C2CD5: variants seen among roughly 807,000 people sequenced by gnomAD.
C2CD5 encodes C2 domain-containing protein 5.
In C2CD5, 109 loss-of-function variants were observed where a neutral mutation model predicts 130.3. The observed-to-expected ratio is 0.84, with a 90% CI of 0.72 to 0.98. The LOEUF (loss-of-function observed/expected upper bound fraction) is 0.98, where lower values mean the gene tolerates loss of function less well. Among genes scored for constraint, C2CD5 ranks in the 50% least tolerant of loss-of-function variants. The pLI is 0.00. For synonymous variants in C2CD5, 454 were observed against 429.2 expected (o/e 1.06, Z -0.71); for missense variants, 996 against 1,261.8 (o/e 0.79, Z 3.19).
intron 9 of C2CD5, among the ~76,000 whole-genome samples, chr12:22,509,032 G>A (rs1157857882): frequency 6.6e-6 from 1 of 151,412 alleles, no homozygotes; most frequent in African/African-American, 2.4e-5. Flanking sequence ...GCCCGCCACC[G>A]CGCCCGGCTA....
chr12:22,528,201 AGC>A (rs1950898023), intron 3 of C2CD5, among the ~76,000 whole-genome samples: 1 of 152,188 alleles, frequency 6.6e-6, no homozygotes. Context: ...TATGATACAT[AGC>A]AAAAATGCCT....
chr12:22,501,317 C>T (rs377104247), intron 10 of C2CD5, among the ~76,000 whole-genome samples: 122 of 152,230 alleles, frequency 8.0e-4, no homozygotes, highest in African/African-American at 2.8e-3. Context: ...ATTCTGCTTA[C>T]GTGGGACAAC....
At chr12:22,535,231 CA>C in intron 3 of C2CD5, 26 bp downstream of exon 3, 1 of 1,320,748 alleles carries the variant, frequency 7.6e-7, no homozygotes, top group Non-Finnish European at 1.1e-6. Flanking sequence ...AAAATACACT[CA>C]AAAATGCTGA....
At chr12:22,541,761 C>G (rs775538610) in intron 2 of C2CD5, among the ~76,000 whole-genome samples, 5 of 152,146 alleles carry the variant, frequency 3.3e-5, no homozygotes, top group Non-Finnish European at 4.4e-5. Context: ...TTCTATTGTT[C>G]CCTTTCATGG....
chr12:22,471,371 G>A (rs1210032473), intron 20 of C2CD5, 28 bp downstream of exon 20: 1 of 1,148,444 alleles, frequency 8.7e-7, no homozygotes, highest in African/African-American at 1.5e-5. Context: ...ATCAGATAAA[G>A]ACTAATAATG....
chr12:22,459,011 G>T, intron 23 of C2CD5: 1 of 156,786 alleles, frequency 6.4e-6, no homozygotes, highest in Non-Finnish European at 1.4e-5. Flanking sequence ...TAAAAAAAGA[G>T]AATCAAATGT....
rs150570858 is a variant in C2CD5, at chr12:22,513,364, C to T, written c.968G>A (p.Ser323Asn). 5 of 1,609,502 alleles carry T rather than the reference C, an allele frequency of 3.1e-6. No individual in the cohort carries two copies. Among genetic ancestry groups the T allele is most frequent in the Non-Finnish European group, 4.3e-6 (5 of 1,175,972 alleles). Residue 323 changes from serine to asparagine, a missense_variant, in exon 9 of 27, where the codon AGT becomes AAT. Physicochemically the swap from Ser to Asn is conservative, Grantham distance 46. Transcript: ENST00000446597. ...AAAGGGCCCCCCTTCTTTTCCAGCA[C>T]TACCACTTCCCATTCCTACAGAACA... ...LTPKTGMGSG[S>N]AGKEGGPFKA...
At chr12:22,463,699 C>T (rs1591953715) in intron 22 of C2CD5, 1 of 152,260 alleles carries the variant, frequency 6.6e-6, no homozygotes, top group South Asian at 2.1e-4. Flanking sequence ...CTGATCAGTA[C>T]CTCTTTTGAC....
At chr12:22,518,241 G>C (rs1045408361) in intron 7 of C2CD5, 104 bp from the exon 8 acceptor site, 11 of 1,085,318 alleles carry the variant, frequency 1.0e-5, no homozygotes, top group African/African-American at 1.6e-5. Context: ...AGGGCCAGCA[G>C]TCATTTCTTA....
rs1332449670 is a variant in C2CD5, at chr12:22,519,348, AT to A, written c.801-1212del. ...GAGCTTTAGTCAGGGAAGAGAACTTATTTTTTTAATCCCTAGCATGCAAAAA... is the reference window on the plus strand; with the variant it reads ...GAGCTTTAGTCAGGGAAGAGAACTTATTTTTTAATCCCTAGCATGCAAAAA... On this transcript the variant is annotated intron_variant, in intron 7 of 26. Transcript: ENST00000446597. 2.0e-5 allele frequency: 17 copies of A among 849,708 alleles called. No individual in the cohort carries two copies. In the Middle Eastern group the frequency reaches 7.9e-4, roughly 40 times the overall value. The allele number at this position is 849,708 out of a possible 1,614,324, so 52.6% of individuals were successfully genotyped here.
intron 10 of C2CD5, among the ~76,000 whole-genome samples, chr12:22,506,246 TCCTCCTTGCCCCGG>T (rs1948521097): frequency 6.6e-6 from 1 of 152,142 alleles, no homozygotes; most frequent in Non-Finnish European, 1.5e-5. Flanking sequence ...GCTCAAGCGA[TCCTCCTTGCCCCGG>T]CCTCCTGAGT....
chr12:22,536,555 T>A (rs763195431), intron 2 of C2CD5, among the ~76,000 whole-genome samples: 1 of 152,136 alleles, frequency 6.6e-6, no homozygotes, highest in Admixed American at 6.5e-5. Context: ...GTCGACTATA[T>A]GTACTGTCAC....
intron 12 of C2CD5, among the ~76,000 whole-genome samples, chr12:22,488,387 A>G (rs1426474664): frequency 6.6e-6 from 1 of 152,072 alleles, no homozygotes; most frequent in African/African-American, 2.4e-5. Context: ...TCTAATAAGC[A>G]GTAATAATTT....
chr12:22,488,304 C>A (rs1464598559), intron 12 of C2CD5, among the ~76,000 whole-genome samples: 1 of 152,038 alleles, frequency 6.6e-6, no homozygotes, highest in Non-Finnish European at 1.5e-5. Context: ...CGTAGGAAAT[C>A]TTACAAAGCA....
At chr12:22,508,871 C>CTTT (rs60617771) in intron 9 of C2CD5, among the ~76,000 whole-genome samples, 1 of 138,394 alleles carries the variant, frequency 7.2e-6, no homozygotes, top group Non-Finnish European at 1.6e-5. Flanking sequence ...ATACTTAAAT[C>CTTT]TTTTTTTTTT....
At chr12:22,471,825 C>A in intron 19 of C2CD5, 142 bp downstream of exon 19, 2 of 581,998 alleles carry the variant, frequency 3.4e-6, no homozygotes, top group South Asian at 4.5e-5. Flanking sequence ...TAGTATCTCA[C>A]CCGCTGATAG....
At position 22,544,541 on chromosome 12, in the gene C2CD5, T is replaced by C. The variant is rs1387092195; in HGVS notation, c.-251A>G. 1.6e-5 allele frequency: 3 copies of C among 185,010 alleles called. No homozygotes were observed. Among genetic ancestry groups the C allele is most frequent in the Non-Finnish European group, 3.3e-5 (3 of 90,142 alleles). The allele number at this position is 185,010 out of a possible 1,614,324, so 11.5% of individuals were successfully genotyped here. On this transcript the variant is annotated 5_prime_UTR_variant, in exon 1 of 27. Coordinates refer to ENST00000446597, the MANE Select transcript of C2CD5 (RefSeq NM_001286176.2). ...CTCGGGGCGCGGAAGAAAGCATCGA[T>C]CGTTCGGCGCTCTGCCCACTTGGCG...
At chr12:22,529,119 T>C (rs1252933312) in intron 3 of C2CD5, among the ~76,000 whole-genome samples, 1 of 152,090 alleles carries the variant, frequency 6.6e-6, no homozygotes, top group Non-Finnish European at 1.5e-5. Flanking sequence ...ACAAGAACAG[T>C]AGAACGTAGA....
intron 9 of C2CD5, among the ~76,000 whole-genome samples, chr12:22,511,050 T>C (rs1315761667): frequency 6.6e-6 from 1 of 152,060 alleles, no homozygotes; most frequent in East Asian, 1.9e-4. Flanking sequence ...TTATCTCTAT[T>C]TCTCATCTCC....
Sources: gnomAD v4.1 joint callset for allele counts (sites outside exome capture counted in the v4.1 genomes callset) on GRCh38, gnomAD v4.1.1 for gene constraint, MANE v1.5 for transcripts, NCBI Gene and HGNC (gene_info 2026-07-23, HGNC 2026-07-21) for gene names.